Variants in TMPRSS15 observed in about 807,000 individuals in gnomAD.
TMPRSS15 encodes the protein transmembrane serine protease 15.
A neutral mutation model predicts 125.3 loss-of-function variants in TMPRSS15; 128 were observed. The ratio of observed to expected loss-of-function variants is 1.02; its 90% CI spans 0.89 to 1.18. TMPRSS15 has a LOEUF of 1.18. TMPRSS15 is among the 50% of genes most tolerant of loss of function. TMPRSS15 has a pLI of 0.00. For missense variants in TMPRSS15, 1,283 were observed against 1,212.7 expected (o/e 1.06, Z -0.86); for synonymous variants, 446 against 423.2 (o/e 1.05, Z -0.66).
At chr21:18,383,505 A>C (rs1211522232) in intron 4 of TMPRSS15, 122 bp downstream of exon 4, 2 of 1,128,640 alleles carry the variant, frequency 1.8e-6, no homozygotes, top group Admixed American at 2.2e-5. Flanking sequence ...TAAATGTGTC[A>C]CCTCAGGCAA....
At chr21:18,405,507 T>C (rs548914584), upstream of TMPRSS15, among the ~76,000 whole-genome samples, 1 of 152,230 alleles carries the variant, frequency 6.6e-6, no homozygotes, top group Admixed American at 6.5e-5. Flanking sequence ...ACAAAACTCG[T>C]TACAAAGCTG....
intron 19 of TMPRSS15, among the ~76,000 whole-genome samples, chr21:18,297,228 AAG>A (rs1183437627): frequency 1.3e-5 from 2 of 152,228 alleles, no homozygotes; most frequent in Admixed American, 6.5e-5. Context: ...CAAAAAGTAA[AAG>A]AGAATATGTA....
chr21:18,294,444 G>A lies in TMPRSS15; in HGVS notation c.2312C>T (p.Ser771Phe). 1 of 1,614,144 alleles carries A rather than the reference G, an allele frequency of 6.2e-7. No homozygotes were observed. Among genetic ancestry groups the A allele is most frequent in the African/African-American group, 1.3e-5 (1 of 75,038 alleles). Residue 771 changes from serine (S) to phenylalanine (F), a missense_variant and splice_region_variant, in exon 21 of 25, where the codon TCT (serine) becomes TTT (phenylalanine). Transcript: ENST00000284885. ...TTGAGCTGCCAGTTTTTTTCCACAA[G>A]CTATTAAAATAATTGGAGAAAGAGC... Reference protein sequence around the residue: ...SLIRLQCNHKSCGKKLAAQDI... With the variant: ...SLIRLQCNHKFCGKKLAAQDI...
intron 18 of TMPRSS15, among the ~76,000 whole-genome samples, chr21:18,300,013 T>G (rs1209391821): frequency 6.6e-6 from 1 of 152,132 alleles, no homozygotes; most frequent in Non-Finnish European, 1.5e-5. Flanking sequence ...CCCAATAATC[T>G]GTTTTACGGC....
intron 17 of TMPRSS15, among the ~76,000 whole-genome samples, chr21:18,313,954 C>T (rs1232300963): frequency 6.6e-6 from 1 of 150,594 alleles, no homozygotes; most frequent in African/African-American, 2.4e-5. Flanking sequence ...TTTCTATCAA[C>T]TTACTTATCA....
rs1569000345 is a variant in TMPRSS15 at position 18,313,060 on chromosome 21, T to G, written c.2050A>C (p.Thr684Pro). The G allele has an allele frequency of 3.1e-6, 5 of 1,613,980 alleles. No homozygotes were observed. The highest frequency in any genetic ancestry group is 4.2e-6 in the Non-Finnish European group (5 of 1,179,930). ...EADCVRFFNG[T>P]TNNNGLVRFR... ...CGCACTAAACCATTGTTGTTCGTTG[T>G]GCCATTGAAAAAACGCACTAAAGAC... is the stretch of plus-strand genomic sequence containing the variant. The change falls in exon 18 of 25, where the codon ACA becomes CCA. Residue 684 changes from threonine to proline, a missense_variant. Coordinates refer to ENST00000284885, the MANE Select transcript of TMPRSS15 (RefSeq NM_002772.3).
upstream of TMPRSS15, chr21:18,403,794 G>A (rs557543076): frequency 3.3e-5 from 23 of 698,142 alleles, no homozygotes; most frequent in South Asian, 3.8e-4. Flanking sequence ...GCAAAATTAT[G>A]TCTCTATACA....
At chr21:18,361,953 A>G (rs1393186624) in intron 7 of TMPRSS15, among the ~76,000 whole-genome samples, 1 of 151,858 alleles carries the variant, frequency 6.6e-6, no homozygotes, top group Non-Finnish European at 1.5e-5. Flanking sequence ...GCAGTTCCAG[A>G]GTGTATTTTG....
chr21:18,352,547 A>G (rs2075580434), intron 10 of TMPRSS15, among the ~76,000 whole-genome samples: 1 of 152,050 alleles, frequency 6.6e-6, no homozygotes, highest in Non-Finnish European at 1.5e-5. Context: ...CAATCAGAAA[A>G]CGAAATTAAG....
chr21:18,462,159 A>T (rs1978562778), intron 1 of TMPRSS15, among the ~76,000 whole-genome samples: 1 of 152,186 alleles, frequency 6.6e-6, no homozygotes, highest in Non-Finnish European at 1.5e-5. Context: ...ACAAACTCTT[A>T]GCTCTCAAGG....
chr21:18,371,085 G>A (rs2075787545), intron 6 of TMPRSS15, among the ~76,000 whole-genome samples: 1 of 152,080 alleles, frequency 6.6e-6, no homozygotes, highest in African/African-American at 2.4e-5. Flanking sequence ...CTTATCCACA[G>A]GGGATATTTT....
intron 9 of TMPRSS15, 54 bp from the exon 10 acceptor site, chr21:18,353,106 G>GT (rs2075587874): frequency 6.8e-7 from 1 of 1,467,972 alleles, no homozygotes. Flanking sequence ...AATGTGAGTA[G>GT]TTATATTAGA....
rs748587664 is a variant in TMPRSS15 at position 18,353,034 on chromosome 21, C to T, written c.1040G>A (p.Cys347Tyr). ...GAAACAAAAGCCATCCTCAAAGTTA[C>T]AATTAATTTTCTCATAATCTGTGAA... ...SELNNYEKIN[C>Y]NFEDGFCFWV... Residue 347 changes from cysteine (C) to tyrosine (Y), a missense_variant, in exon 10 of 25, where the codon TGT becomes TAT. Physicochemically the swap from Cys to Tyr is radical, Grantham distance 194. Coordinates refer to ENST00000284885, the MANE Select transcript of TMPRSS15 (RefSeq NM_002772.3). 1 of 1,609,620 alleles carries T rather than the reference C, an allele frequency of 6.2e-7. No homozygotes were observed. The highest frequency in any genetic ancestry group is 1.7e-5 in the Admixed American group (1 of 59,746).
intron 10 of TMPRSS15, among the ~76,000 whole-genome samples, chr21:18,350,821 G>A: frequency 6.6e-6 from 1 of 151,604 alleles, no homozygotes; most frequent in African/African-American, 2.4e-5. Flanking sequence ...CATGAGAGCA[G>A]AAAATTTGGT....
intron 7 of TMPRSS15, among the ~76,000 whole-genome samples, chr21:18,361,765 T>A (rs1156548998): frequency 1.3e-5 from 2 of 152,098 alleles, no homozygotes; most frequent in Non-Finnish European, 2.9e-5. Flanking sequence ...GGGTTGGTGT[T>A]AGTGCAATGG....
In TMPRSS15 at chr21:18,281,992, G is replaced by T. The variant is rs186721696; in HGVS notation, c.2487-771C>A. On this transcript the variant is annotated intron_variant, in intron 21 of 24. Coordinates refer to ENST00000284885, the MANE Select transcript of TMPRSS15 (RefSeq NM_002772.3). ...GGCGCCTGTAGTCCCAGCTACTTCG[G>T]GGGGCAGAGGCAGGAGAATGGCGTG... 9.3e-5 allele frequency among the ~76,000 whole-genome samples: 14 copies of T among 151,334 alleles called. No individual in the cohort carries two copies. The South Asian group carries it at 2.3e-3, about 25-fold the overall frequency.
intron 16 of TMPRSS15, among the ~76,000 whole-genome samples, chr21:18,321,384 A>G (rs1190581331): frequency 3.6e-5 from 4 of 112,172 alleles, no homozygotes; most frequent in East Asian, 2.6e-4. Context: ...ACGGAGTCTC[A>G]CTCTGTCGCC....
chr21:18,417,248 T>G (rs1275955839), intron 1 of TMPRSS15, among the ~76,000 whole-genome samples: 1 of 152,094 alleles, frequency 6.6e-6, no homozygotes, highest in Non-Finnish European at 1.5e-5. Flanking sequence ...TTTTACAAGT[T>G]GAATCAGAAG....
rs764071240 is a variant in TMPRSS15, at chr21:18,438,355, T to C, written c.11-40026A>G. Among the ~76,000 whole-genome samples, 89 of 146,644 alleles carry C rather than the reference T, an allele frequency of 6.1e-4. 1 individual carries two copies. Among genetic ancestry groups the C allele is most frequent in the East Asian group, 3.8e-3 (18 of 4,708 alleles). On this transcript the variant is annotated intron_variant, in intron 1 of 7. Coordinates refer to the TMPRSS15 transcript ENST00000422787. The stretch of plus-strand genomic sequence containing the variant: ...GTGGGGGGAGGGGGGAGGGATAGCA[T>C]TGGGAGATATACCTAATGTTAAATG...
Sources: gnomAD v4.1 joint callset for allele counts (sites outside exome capture counted in the v4.1 genomes callset) on GRCh38, gnomAD v4.1.1 for gene constraint, MANE v1.5 for transcripts, NCBI Gene and HGNC (gene_info 2026-07-23, HGNC 2026-07-21) for gene names.